DYNC1H1: variants seen among roughly 807,000 people sequenced by gnomAD.
The protein encoded by DYNC1H1 is dynein cytoplasmic 1 heavy chain 1.
In DYNC1H1, 51 loss-of-function variants were observed where a neutral mutation model predicts 527.1. That is an observed-to-expected ratio of 0.10 (90% confidence interval 0.08 to 0.12). The LOEUF (loss-of-function observed/expected upper bound fraction) is 0.12, where lower values mean the gene tolerates loss of function less well. Ranked by LOEUF, DYNC1H1 falls within the 10% of genes least tolerant of loss-of-function variation. DYNC1H1 has a pLI of 1.00. For missense variants in DYNC1H1, 2,771 were observed against 5,971.8 expected (o/e 0.46, Z 17.66); for synonymous variants, 2,189 against 2,278.8 (o/e 0.96, Z 1.12).
At chr14:102,008,126 C>T (rs1411465754) in intron 28 of DYNC1H1, 52 bp from the exon 29 acceptor site, 1 of 1,609,664 alleles carries the variant, frequency 6.2e-7, no homozygotes, top group Non-Finnish European at 8.5e-7. Context: ...AGAGGGGAGA[C>T]AATTGAGGGC....
In DYNC1H1 at chr14:102,029,291, AC is replaced by A; in HGVS notation, c.9469-247del. 1 of 550,172 alleles carries A rather than the reference AC, an allele frequency of 1.8e-6. No homozygotes were observed. The highest frequency in any genetic ancestry group is 3.3e-6 in the Non-Finnish European group (1 of 306,518). The allele number at this position is 550,172 out of a possible 1,614,324, so 34.1% of individuals were successfully genotyped here. ...ATTTGTGATGCCTTTTCACATAAGT[AC>A]ACCTCTAAAGTTGGTGTAATCACCA... is the stretch of plus-strand genomic sequence containing the variant. On this transcript the variant is annotated intron_variant, in intron 48 of 77. Transcript: ENST00000360184. This position sits in a 1 kb window ranked among gnomAD's most constrained non-coding sequence, Gnocchi z 5.3.
Position 101,979,841 on chromosome 14 carries a change from C to T in DYNC1H1, c.641C>T (p.Thr214Ile), listed in dbSNP as rs2141269742. Residue 214 changes from threonine (T) to isoleucine (I), a missense_variant, in exon 4 of 78, where the codon ACA (threonine) becomes ATA (isoleucine). Thr to Ile is a moderately conservative substitution (Grantham distance 89). This residue lies in a region of DYNC1H1 where 146 missense variants were observed against 288.1 expected (regional missense o/e 0.51). Transcript: ENST00000360184. This position sits in a 1 kb window ranked among gnomAD's most constrained non-coding sequence, Gnocchi z 4.6. ...EISLPIHPMITNVAKQCYERG... is the reference protein window; with the variant it reads ...EISLPIHPMIINVAKQCYERG... The stretch of plus-strand genomic sequence containing the variant: ...AGCCTGCCGATTCATCCAATGATCA[C>T]AAATGTTGCAAAACAGTGTTATGAG... 4 of 1,614,178 alleles carry T rather than the reference C, an allele frequency of 2.5e-6. No homozygotes were observed. The Admixed American group carries it at 5.0e-5, about 20-fold the overall frequency.
At position 102,005,253 on chromosome 14, in the gene DYNC1H1, A is replaced by C. The variant is rs769628525; in HGVS notation, c.5433+17A>C. ...GAACACTTGGTTAGTCTCACACCTG[A>C]CTCCTTCCTTACCAGTTAGACTCTT... is the stretch of plus-strand genomic sequence containing the variant. On this transcript the variant is annotated intron_variant, in intron 26 of 77. Coordinates refer to ENST00000360184, the MANE Select transcript of DYNC1H1 (RefSeq NM_001376.5). This position sits in a 1 kb window ranked among gnomAD's most constrained non-coding sequence, Gnocchi z 4.0. 6.2e-7 allele frequency: 1 copy of C among 1,612,064 alleles called. No individual in the cohort carries two copies. Among genetic ancestry groups the C allele is most frequent in the East Asian group, 2.2e-5 (1 of 44,876 alleles).
chr14:101,987,654 C>G, intron 9 of DYNC1H1, 22 bp downstream of exon 9: 3 of 1,613,846 alleles, frequency 1.9e-6, no homozygotes, highest in Non-Finnish European at 1.7e-6. Context: ...AATTTGCTAG[C>G]ATTTTCCTCC....
Position 102,020,145 on chromosome 14 carries a change from C to T in DYNC1H1, c.8507+89C>T. 1 of 1,546,412 alleles carries T rather than the reference C, an allele frequency of 6.5e-7. No homozygotes were observed. Among genetic ancestry groups the T allele is most frequent in the Middle Eastern group, 2.2e-4 (1 of 4,466 alleles). ...AAGCTGGGGTCTTTGCAGGGGTGGT[C>T]TGCCTAAGTTAGAGCCAGGTGGTGC... On this transcript the variant is annotated intron_variant, in intron 42 of 77. Coordinates refer to ENST00000360184, the MANE Select transcript of DYNC1H1 (RefSeq NM_001376.5). The surrounding 1 kb of genome is among the most constrained non-coding windows in gnomAD (Gnocchi z 4.3).
At position 101,974,104 on chromosome 14, in the gene DYNC1H1, A is replaced by T. The variant is rs993864011; in HGVS notation, c.257-1608A>T. On this transcript the variant is annotated intron_variant, in intron 1 of 77. Coordinates refer to ENST00000360184, the MANE Select transcript of DYNC1H1 (RefSeq NM_001376.5). ...CTACTGCCCTTTCCTTTATTTATTT[A>T]TTTATTTTTTTTGAGATGGAGTTTC... Among the ~76,000 whole-genome samples, 79 of 152,062 alleles carry T rather than the reference A, an allele frequency of 5.2e-4. 1 individual carries two copies. The highest frequency in any genetic ancestry group is 1.9e-3 in the African/African-American group (78 of 41,454).
Position 101,964,573 on chromosome 14 carries a change from AGTCTGCGGTGGGCTAGCGGACG to A in DYNC1H1, c.-115_-94del. The A allele has an allele frequency of 6.6e-7, 1 of 1,508,268 alleles. No homozygotes were observed. The highest frequency in any genetic ancestry group is 2.0e-5 in the Admixed American group (1 of 49,392). The allele number at this position is 1,508,268 out of a possible 1,614,324, so 93.4% of individuals were successfully genotyped here. ...GGCGGAGCCGGCTCCCGCTCTCCTC[AGTCTGCGGTGGGCTAGCGGACG>A]GTCCGGCTTCCGGCGGCCGTTTCTG... On this transcript the variant is annotated 5_prime_UTR_variant, in exon 1 of 78. Transcript: ENST00000360184. This position sits in a 1 kb window ranked among gnomAD's most constrained non-coding sequence, Gnocchi z 5.5.
Position 102,039,514 on chromosome 14 carries a change from C to T in DYNC1H1, c.11563C>T (p.Arg3855Cys). Residue 3855 changes from arginine (R) to cysteine (C), a missense_variant, in exon 61 of 78, where the codon CGC becomes TGC. This residue lies in a region of DYNC1H1 where 283 missense variants were observed against 737.6 expected (regional missense o/e 0.38). Coordinates refer to ENST00000360184, the MANE Select transcript of DYNC1H1 (RefSeq NM_001376.5). This position sits in a 1 kb window ranked among gnomAD's most constrained non-coding sequence, Gnocchi z 7.0. ...NLKGVTDHTQ[R>C]LSIITKDLFQ... ...GAAGGGTGTCACCGACCACACACAG[C>T]GCCTGTCCATTATAACAAAGGACCT... The T allele has an allele frequency of 1.9e-6, 3 of 1,614,246 alleles. No individual in the cohort carries two copies. The highest frequency in any genetic ancestry group is 2.5e-6 in the Non-Finnish European group (3 of 1,180,050).
rs1430184572 is a variant in DYNC1H1, at chr14:101,991,589, G to A, written c.2931G>A (p.Glu977=). ...TCTACTTGAATCCACCAATTGAAGAGTGCAGATACAAGCTGTATCAGGAAA... is the reference window on the plus strand; with the variant it reads ...TCTACTTGAATCCACCAATTGAAGAATGCAGATACAAGCTGTATCAGGAAA... ...QVIYLNPPIE[E]CRYKLYQEMF... is the part of the protein sequence containing the mutation. The change falls in exon 11 of 78, where the codon GAG becomes GAA. Residue 977 remains glutamate, a synonymous_variant. Transcript: ENST00000360184. 1 of 1,614,050 alleles carries A rather than the reference G, an allele frequency of 6.2e-7. No individual in the cohort carries two copies. Among genetic ancestry groups the A allele is most frequent in the African/African-American group, 1.3e-5 (1 of 74,926 alleles).
rs1045038300 is a variant in DYNC1H1 at position 102,049,369 on chromosome 14, C to G, written c.13373-71C>G. ...GGGCAGCCAGGATGCCTAGCACTTG[C>G]ACATTTGTTCCATCTGTGCTGGGGG... On this transcript the variant is annotated intron_variant, in intron 74 of 77. Coordinates refer to ENST00000360184, the MANE Select transcript of DYNC1H1 (RefSeq NM_001376.5). This position sits in a 1 kb window ranked among gnomAD's most constrained non-coding sequence, Gnocchi z 5.5. The G allele has an allele frequency of 1.9e-6, 3 of 1,607,668 alleles. No individual in the cohort carries two copies. The highest frequency in any genetic ancestry group is 1.7e-6 in the Non-Finnish European group (2 of 1,178,838).
Position 102,054,564 on chromosome 14 carries a change from C to CTTTTTTTT in DYNC1H1, c.*4016_*4023dup, listed in dbSNP as rs758458056. 8.8e-6 allele frequency: 1 copy of CTTTTTTTT among 113,820 alleles called. No individual in the cohort carries two copies. Among genetic ancestry groups the CTTTTTTTT allele is most frequent in the African/African-American group, 3.8e-5 (1 of 25,992 alleles). 7.1% of individuals were successfully genotyped at this position (113,820 alleles called of 1,614,324 possible). ...CATCACCAACAGAGCCTTTGCAGAA[C>CTTTTTTTT]TTTTTTTTTTTTTTTTTTTTTTGAG... is the stretch of plus-strand genomic sequence containing the variant. On this transcript the variant is annotated 3_prime_UTR_variant, in exon 78 of 78. Transcript: ENST00000360184.
At position 102,050,424 on chromosome 14, in the gene DYNC1H1, T is replaced by C. The variant is rs371378943; in HGVS notation, c.13813-11T>C. The C allele has an allele frequency of 7.4e-6, 12 of 1,614,206 alleles. No individual in the cohort carries two copies. In the African/African-American group the frequency reaches 1.1e-4, roughly 14 times the overall value. On this transcript the variant is annotated splice_polypyrimidine_tract_variant and intron_variant, in intron 77 of 77. Coordinates refer to ENST00000360184, the MANE Select transcript of DYNC1H1 (RefSeq NM_001376.5). ...CCCTTAAGCCACCAGTAAACCCCTC[T>C]GCTTCTGCAGGTAACCTTACCTGTC...
At position 101,983,001 on chromosome 14, in the gene DYNC1H1, C is replaced by T. The variant is rs1042127573; in HGVS notation, c.962-18C>T. ...TTACTTTATGTGAAAACCATTAACT[C>T]TTTCTCTGTTAATATAGGTCTAAAA... On this transcript the variant is annotated intron_variant, in intron 5 of 77. Coordinates refer to ENST00000360184, the MANE Select transcript of DYNC1H1 (RefSeq NM_001376.5). This position sits in a 1 kb window ranked among gnomAD's most constrained non-coding sequence, Gnocchi z 5.3. 3 of 1,613,566 alleles carry T rather than the reference C, an allele frequency of 1.9e-6. No individual in the cohort carries two copies. Among genetic ancestry groups the T allele is most frequent in the Non-Finnish European group, 2.5e-6 (3 of 1,179,848 alleles).
At position 102,002,507 on chromosome 14, in the gene DYNC1H1, G is replaced by A. The variant is rs1567006904; in HGVS notation, c.4543-30G>A. On this transcript the variant is annotated intron_variant, in intron 21 of 77. Coordinates refer to ENST00000360184, the MANE Select transcript of DYNC1H1 (RefSeq NM_001376.5). The surrounding 1 kb of genome is among the most constrained non-coding windows in gnomAD (Gnocchi z 4.4). ...ATATCTGTGAGTAGAAGGGTCAGCA[G>A]TTTACCTCTCCCTCCTGTCTGCCCA... 1.9e-6 allele frequency: 3 copies of A among 1,613,574 alleles called. No homozygotes were observed. Among genetic ancestry groups the A allele is most frequent in the Non-Finnish European group, 8.5e-7 (1 of 1,179,774 alleles).
At position 101,979,882 on chromosome 14, in the gene DYNC1H1, A is replaced by C; in HGVS notation, c.682A>C (p.Lys228Gln). The change falls in exon 4 of 78, where the codon AAA becomes CAA. Residue 228 changes from lysine to glutamine, a missense_variant. By Grantham distance (53) the Lys-to-Gln change is moderately conservative. Around this residue, in one of 32 missense-constraint regions of DYNC1H1, gnomAD observed 146 missense variants for 288.1 expected, o/e 0.51. Coordinates refer to ENST00000360184, the MANE Select transcript of DYNC1H1 (RefSeq NM_001376.5). The surrounding 1 kb of genome is among the most constrained non-coding windows in gnomAD (Gnocchi z 4.6). ...KQCYERGEKP[K>Q]VTDFGDKVED... ...GTGTTATGAGCGTGGAGAAAAGCCA[A>C]AAGTTACAGACTTTGGTGATAAGGT... The C allele has an allele frequency of 3.1e-6, 5 of 1,614,226 alleles. No homozygotes were observed. The highest frequency in any genetic ancestry group is 4.2e-6 in the Non-Finnish European group (5 of 1,180,036).
rs773258825 is a variant in DYNC1H1, at chr14:102,043,890, G to A, written c.12529G>A (p.Ala4177Thr). The A allele has an allele frequency of 6.2e-7, 1 of 1,614,102 alleles. No homozygotes were observed. The highest frequency in any genetic ancestry group is 1.3e-5 in the African/African-American group (1 of 74,942). Residue 4177 changes from alanine (A) to threonine (T), a missense_variant, in exon 70 of 78, where the codon GCC becomes ACC. By Grantham distance (58) the Ala-to-Thr change is moderately conservative. Around this residue, in one of 32 missense-constraint regions of DYNC1H1, gnomAD observed 195 missense variants for 428.6 expected, o/e 0.45. Coordinates refer to ENST00000360184, the MANE Select transcript of DYNC1H1 (RefSeq NM_001376.5). ...SRICKSPNER[A>T]RLYFLLAWFH... ...TCCTCACCAGTCTCCCAACGAGCGT[G>A]CCCGCTTGTACTTCCTGCTGGCCTG...
At chr14:102,004,348 T>C (rs2048172007) in intron 23 of DYNC1H1, among the ~76,000 whole-genome samples, 170 bp from the exon 24 acceptor site, 2 of 152,244 alleles carry the variant, frequency 1.3e-5, no homozygotes, top group Admixed American at 1.3e-4. Context: ...TAGGTAAGTG[T>C]GTATCTTTTG....
At chr14:102,004,441 C>T (rs960628118) in intron 23 of DYNC1H1, 77 bp from the exon 24 acceptor site, 1 of 1,474,996 alleles carries the variant, frequency 6.8e-7, no homozygotes, top group Non-Finnish European at 9.1e-7. Context: ...TCCCTTCCTG[C>T]AGTTTGAAAT....
rs571424078 is a variant in DYNC1H1, at chr14:102,025,344, G to T, written c.8638-1230G>T. Among the ~76,000 whole-genome samples, 10 of 152,014 alleles carry T rather than the reference G, an allele frequency of 6.6e-5. No homozygotes were observed. The South Asian group carries it at 1.2e-3, about 19-fold the overall frequency. Reference sequence around the variant, plus strand: ...CACTTAAACCTGGGAGGCAGAGGTTGCAGTGAGCCGAGATCGCGCCATTGC... The same window carrying T: ...CACTTAAACCTGGGAGGCAGAGGTTTCAGTGAGCCGAGATCGCGCCATTGC... On this transcript the variant is annotated intron_variant, in intron 43 of 77. Transcript: ENST00000360184.
Sources: allele counts gnomAD v4.1 joint callset (sites outside exome capture counted in the v4.1 genomes callset), GRCh38; gene constraint gnomAD v4.1.1; regional missense constraint gnomAD v4.1.1; non-coding constraint Gnocchi (gnomAD v3.1); transcripts MANE v1.5; gene names NCBI Gene and HGNC (gene_info 2026-07-23, HGNC 2026-07-21).